The following SEZ6 variants were observed in gnomAD, a reference collection of about 807,000 sequenced individuals.
SEZ6 encodes seizure protein 6 homolog.
SEZ6 carries 53 observed loss-of-function variants against 101.0 expected under a neutral mutation model. The ratio of observed to expected loss-of-function variants is 0.52; its 90% confidence interval spans 0.42 to 0.66. The LOEUF is 0.66. SEZ6 is among the 30% of genes least tolerant of loss of function. The pLI, the probability that SEZ6 is intolerant of heterozygous loss-of-function variation, is 0.00. For missense variants in SEZ6, 1,102 were observed against 1,289.4 expected (o/e 0.85, Z 2.23); for synonymous variants, 488 against 512.2 (o/e 0.95, Z 0.64).
chr17:28,957,649 C>T, intron 11 of SEZ6, 110 bp from the exon 12 acceptor site: 1 of 1,181,472 alleles, frequency 8.5e-7, no homozygotes, highest in Non-Finnish European at 1.2e-6. Context: ...TATGGGTCTA[C>T]CCCCTACGTA....
rs771883752 is a variant in SEZ6 at position 28,957,204 on chromosome 17, C to T, written c.2533G>A (p.Glu845Lys). The T allele has an allele frequency of 6.2e-7, 1 of 1,614,034 alleles. No homozygotes were observed. Among genetic ancestry groups the T allele is most frequent in the South Asian group, 1.1e-5 (1 of 91,086 alleles). The change falls in exon 13 of 17, where the codon GAG becomes AAG. Residue 845 changes from glutamate (E) to lysine (K), a missense_variant. Glu to Lys is a moderately conservative substitution (Grantham distance 56). Around this residue, in one of 3 missense-constraint regions of SEZ6, gnomAD observed 556 missense variants for 735.1 expected, o/e 0.76. Transcript: ENST00000317338. ...TTCTCAGGACTTCGGGCACCATTCTCAGGGGCACTGAGACCATGGCATGGC... is the reference window on the plus strand; with the variant it reads ...TTCTCAGGACTTCGGGCACCATTCTTAGGGGCACTGAGACCATGGCATGGC... Reference protein sequence around the residue: ...LKPCHGLSAPENGARSPEKQL... With the variant: ...LKPCHGLSAPKNGARSPEKQL...
chr17:28,991,767 G>A lies in SEZ6; in HGVS notation c.56-9728C>T, dbSNP rs146481711. Among the ~76,000 whole-genome samples, 298 of 152,268 alleles carry A rather than the reference G, an allele frequency of 2.0e-3. 1 individual carries two copies. Among genetic ancestry groups the A allele is most frequent in the African/African-American group, 6.3e-3 (260 of 41,552 alleles). On this transcript the variant is annotated intron_variant, in intron 1 of 16. Coordinates refer to ENST00000317338, the MANE Select transcript of SEZ6 (RefSeq NM_178860.5). ...TCAGAAAGGCCTCGGGGAACTGGGC[G>A]TAGCAGCTACTCATTCCTCAGGGAG...
chr17:28,988,607 C>T (rs994913353), intron 1 of SEZ6, among the ~76,000 whole-genome samples: 2 of 152,210 alleles, frequency 1.3e-5, no homozygotes, highest in Non-Finnish European at 2.9e-5. Flanking sequence ...GTCCCCATTG[C>T]CCCGGACTAC....
At chr17:28,971,453 C>T (rs1053769882) in intron 3 of SEZ6, among the ~76,000 whole-genome samples, 2 of 151,952 alleles carry the variant, frequency 1.3e-5, no homozygotes, top group Non-Finnish European at 2.9e-5. Flanking sequence ...ATTAGCTGGG[C>T]GTGGTGGCAC....
intron 3 of SEZ6, among the ~76,000 whole-genome samples, chr17:28,970,823 T>C (rs2041140993): frequency 6.6e-6 from 1 of 152,230 alleles, no homozygotes; most frequent in Non-Finnish European, 1.5e-5. Flanking sequence ...AATATGTAGT[T>C]CAAACTCTTT....
At chr17:29,001,845 C>G (rs921170411) in intron 1 of SEZ6, among the ~76,000 whole-genome samples, 2 of 152,178 alleles carry the variant, frequency 1.3e-5, no homozygotes, top group African/African-American at 2.4e-5. Flanking sequence ...GGCTCCTCCT[C>G]CCTGAGAATA....
chr17:28,979,751 A>G lies in SEZ6; in HGVS notation c.787T>C (p.Ser263Pro), dbSNP rs1006872620. 2 of 1,613,710 alleles carry G rather than the reference A, an allele frequency of 1.2e-6. No homozygotes were observed. Residue 263 changes from serine (S) to proline (P), a missense_variant, in exon 3 of 17, where the codon TCC (serine) becomes CCC (proline). By Grantham distance (74) the Ser-to-Pro change is moderately conservative. This residue lies in a region of SEZ6 where 406 missense variants were observed against 418.6 expected (regional missense o/e 0.97). Coordinates refer to ENST00000317338, the MANE Select transcript of SEZ6 (RefSeq NM_178860.5). ...CAGTCCAGGCCAACATCAGTGGGGGAGCTGAGGTCTGTAGGGGAGTCCAGA... is the reference window on the plus strand; with the variant it reads ...CAGTCCAGGCCAACATCAGTGGGGGGGCTGAGGTCTGTAGGGGAGTCCAGA... Reference protein sequence around the residue: ...GSLDSPTDLSSPTDVGLDCFF... With the variant: ...GSLDSPTDLSPPTDVGLDCFF...
intron 1 of SEZ6, among the ~76,000 whole-genome samples, chr17:28,983,262 A>G (rs935834952): frequency 3.3e-5 from 5 of 152,172 alleles, no homozygotes; most frequent in South Asian, 2.1e-4. Context: ...TCTCTATTTG[A>G]TATGTCCCCC....
chr17:28,955,564 G>T lies in SEZ6; in HGVS notation c.*398C>A. ...CTGGTGCAGTTCCCACCATGGTCAA[G>T]TTAATCCTGCTGCAGGTTGCCATGC... On this transcript the variant is annotated 3_prime_UTR_variant, in exon 17 of 17. Coordinates refer to ENST00000317338, the MANE Select transcript of SEZ6 (RefSeq NM_178860.5). The T allele has an allele frequency of 2.1e-6, 1 of 468,072 alleles. No homozygotes were observed. Among genetic ancestry groups the T allele is most frequent in the Non-Finnish European group, 4.2e-6 (1 of 235,810 alleles). The allele number at this position is 468,072 out of a possible 1,614,324, so 29.0% of individuals were successfully genotyped here.
At position 28,979,677 on chromosome 17, in the gene SEZ6, C is replaced by T. The variant is rs756821500; in HGVS notation, c.858+3G>A. 5.0e-6 allele frequency: 8 copies of T among 1,613,842 alleles called. No individual in the cohort carries two copies. In the Admixed American group the frequency reaches 1.0e-4, roughly 20 times the overall value. ...TTGCCCTTGCCAGATCCAGATCACTCACCTTGATTTCCACGCCATAGCCAG... is the reference window on the plus strand; with the variant it reads ...TTGCCCTTGCCAGATCCAGATCACTTACCTTGATTTCCACGCCATAGCCAG... On this transcript the variant is annotated splice_donor_region_variant and intron_variant, in intron 3 of 16. Transcript: ENST00000317338.
At chr17:29,000,882 C>T (rs566522855) in intron 1 of SEZ6, among the ~76,000 whole-genome samples, 3 of 152,098 alleles carry the variant, frequency 2.0e-5, no homozygotes, top group Non-Finnish European at 4.4e-5. Context: ...CCCACCTGTG[C>T]AACTCTCATT....
At chr17:28,978,649 G>A (rs906246429) in intron 3 of SEZ6, among the ~76,000 whole-genome samples, 9 of 152,228 alleles carry the variant, frequency 5.9e-5, no homozygotes, top group African/African-American at 1.9e-4. Context: ...AAAGAACAAG[G>A]GACGAAGTGT....
intron 3 of SEZ6, among the ~76,000 whole-genome samples, chr17:28,974,490 C>A (rs992579635): frequency 6.6e-6 from 1 of 152,254 alleles, no homozygotes; most frequent in South Asian, 2.1e-4. Context: ...CCCACAAGAA[C>A]CTTCGCAGTT....
Position 28,958,128 on chromosome 17 carries a change from A to G in SEZ6, c.2121T>C (p.Asn707=). The G allele has an allele frequency of 1.3e-6, 2 of 1,594,428 alleles. No homozygotes were observed. The highest frequency in any genetic ancestry group is 1.7e-4 in the Middle Eastern group (1 of 5,780). Residue 707 remains asparagine (N), a synonymous_variant, in exon 11 of 17, where the codon AAT becomes AAC. Coordinates refer to ENST00000317338, the MANE Select transcript of SEZ6 (RefSeq NM_178860.5). ...TCTCAGGCAGCTCCGGACATGTGTCATTGCGGGGCACCTCTGGGGGCACAG... is the reference window on the plus strand; with the variant it reads ...TCTCAGGCAGCTCCGGACATGTGTCGTTGCGGGGCACCTCTGGGGGCACAG... ...FVIHFFEVPR[N]DTCPELPEIP...
intron 5 of SEZ6, 44 bp downstream of exon 5, chr17:28,963,918 T>A (rs1567985485): frequency 6.4e-7 from 1 of 1,570,284 alleles, no homozygotes; most frequent in East Asian, 2.3e-5. Context: ...AGCCCCCACC[T>A]CACTTCTCTG....
chr17:28,960,489 G>A lies in SEZ6; in HGVS notation c.1576+16C>T. 6.3e-7 allele frequency: 1 copy of A among 1,581,654 alleles called. No individual in the cohort carries two copies. The highest frequency in any genetic ancestry group is 1.3e-5 in the African/African-American group (1 of 74,182). ...CCGTGGACCCGCCACCCCCAGTGAG[G>A]CCCCAGCAGGCTCACCCTCATAGCG... On this transcript the variant is annotated intron_variant, in intron 7 of 16. Coordinates refer to ENST00000317338, the MANE Select transcript of SEZ6 (RefSeq NM_178860.5).
At chr17:29,001,916 G>A (rs1426397041) in intron 1 of SEZ6, among the ~76,000 whole-genome samples, 1 of 152,154 alleles carries the variant, frequency 6.6e-6, no homozygotes, top group Non-Finnish European at 1.5e-5. Flanking sequence ...AGGCTCTCCT[G>A]TGCTATAAGG....
At chr17:28,968,886 G>A (rs1481565887) in intron 4 of SEZ6, among the ~76,000 whole-genome samples, 1 of 152,210 alleles carries the variant, frequency 6.6e-6, no homozygotes, top group African/African-American at 2.4e-5. Context: ...TGCTCAGAGA[G>A]GGGGATGGGT....
chr17:28,972,099 C>T (rs2041159046), intron 3 of SEZ6, among the ~76,000 whole-genome samples: 2 of 152,244 alleles, frequency 1.3e-5, no homozygotes. Flanking sequence ...ATCTTCCCTT[C>T]TTCCCCTCCT....
Sources: allele counts gnomAD v4.1 joint callset (sites outside exome capture counted in the v4.1 genomes callset), GRCh38; gene constraint gnomAD v4.1.1; regional missense constraint gnomAD v4.1.1; transcripts MANE v1.5; gene names NCBI Gene and HGNC (gene_info 2026-07-23, HGNC 2026-07-21).